CAMSAP1: variants seen among roughly 807,000 people sequenced by gnomAD.
CAMSAP1 encodes the protein calmodulin regulated spectrin associated protein 1.
In CAMSAP1, 58 loss-of-function variants were observed where a neutral mutation model predicts 143.5. That is an observed-to-expected ratio of 0.40 (90% CI 0.33 to 0.50). CAMSAP1 has a LOEUF of 0.50. Ranked by LOEUF, CAMSAP1 falls within the 20% of genes least tolerant of loss-of-function variation. The probability of loss-of-function intolerance (pLI) is 0.45; values close to 1 mark genes in which losing one functional copy is unlikely to be tolerated. For synonymous variants in CAMSAP1, 945 were observed against 859.3 expected, an observed-to-expected ratio of 1.10 and a Z score of -1.74; for missense variants, 1,969 against 2,115.7, an observed-to-expected ratio of 0.93 and a Z score of 1.36.
intron 1 of CAMSAP1, among the ~76,000 whole-genome samples, chr9:135,902,413 C>T (rs978649951): frequency 5.3e-5 from 8 of 152,176 alleles, no homozygotes; most frequent in African/African-American, 1.2e-4. Flanking sequence ...GAGGAAGACA[C>T]GCAGTGGTTT....
chr9:135,843,402 AC>A (rs1447778845), intron 7 of CAMSAP1, among the ~76,000 whole-genome samples: 7 of 152,192 alleles, frequency 4.6e-5, no homozygotes, highest in Non-Finnish European at 1.0e-4. Flanking sequence ...TATTCAGCAA[AC>A]CCATCTCATG....
Position 135,823,154 on chromosome 9 carries a change from T to C in CAMSAP1, c.1507A>G (p.Ser503Gly), listed in dbSNP as rs755322558. ...AGATTAACAATGTTGGATGCCAAACTGTCTTTGCTGATGGAGCGGGCCAAG... is the reference window on the plus strand; with the variant it reads ...AGATTAACAATGTTGGATGCCAAACCGTCTTTGCTGATGGAGCGGGCCAAG... ...ISLARSISKD[S>G]LASNIVNLTP... Residue 503 changes from serine to glycine, a missense_variant, in exon 11 of 17, where the codon AGT becomes GGT. This residue lies in a region of CAMSAP1 where 1,390 missense variants were observed against 1,420.8 expected (regional missense o/e 0.98). Transcript: ENST00000389532. 1.2e-6 allele frequency: 2 copies of C among 1,612,622 alleles called. No homozygotes were observed. Among genetic ancestry groups the C allele is most frequent in the South Asian group, 1.1e-5 (1 of 90,988 alleles).
chr9:135,869,449 G>C (rs1457423964), intron 3 of CAMSAP1, among the ~76,000 whole-genome samples: 2 of 151,424 alleles, frequency 1.3e-5, no homozygotes, highest in Non-Finnish European at 2.9e-5. Context: ...GTTGCAGTGA[G>C]CCACGACCGC....
At chr9:135,865,401 G>T in intron 4 of CAMSAP1, 1 of 1,548,864 alleles carries the variant, frequency 6.5e-7, no homozygotes, top group Non-Finnish European at 8.7e-7. Flanking sequence ...CAGGAGAGGA[G>T]CATCAGCAGA....
Position 135,874,571 on chromosome 9 carries a change from A to G in CAMSAP1, c.585+7062T>C, listed in dbSNP as rs920839074. 2.6e-5 allele frequency among the ~76,000 whole-genome samples: 4 copies of G among 152,154 alleles called. No individual in the cohort carries two copies. In the East Asian group the frequency reaches 7.7e-4, roughly 29 times the overall value. On this transcript the variant is annotated intron_variant, in intron 3 of 16. Coordinates refer to ENST00000389532, the MANE Select transcript of CAMSAP1 (RefSeq NM_015447.4). ...AACATTCATCATTTCAATGGTTAATACAGTAAATGTTTATTCCCTAAGATG... is the reference window on the plus strand; with the variant it reads ...AACATTCATCATTTCAATGGTTAATGCAGTAAATGTTTATTCCCTAAGATG...
chr9:135,822,237 C>A lies in CAMSAP1; in HGVS notation c.2424G>T (p.Ala808=), dbSNP rs200983107. Residue 808 remains alanine (A), a synonymous_variant, in exon 11 of 17, where the codon GCG becomes GCT. Coordinates refer to ENST00000389532, the MANE Select transcript of CAMSAP1 (RefSeq NM_015447.4). This position sits in a 1 kb window ranked among gnomAD's most constrained non-coding sequence, Gnocchi z 6.1. The stretch of plus-strand genomic sequence containing the variant: ...AGCTGGTCATCTTCACGCTCCCACT[C>A]GCCATGGAGACACTGCTCATCTGAG... ...TASQMSSVSM[A]SGSVKMTSFA... is the part of the protein sequence containing the mutation. 1 of 1,614,016 alleles carries A rather than the reference C, an allele frequency of 6.2e-7. No individual in the cohort carries two copies. The highest frequency in any genetic ancestry group is 1.7e-5 in the Admixed American group (1 of 60,032).
At chr9:135,877,286 A>C (rs554382375) in intron 3 of CAMSAP1, among the ~76,000 whole-genome samples, 32 of 152,282 alleles carry the variant, frequency 2.1e-4, no homozygotes, top group Non-Finnish European at 3.4e-4. Flanking sequence ...CCTAAAAAAA[A>C]AAGCAAAACT....
chr9:135,898,396 G>C (rs1006375605), intron 1 of CAMSAP1, among the ~76,000 whole-genome samples: 1 of 152,136 alleles, frequency 6.6e-6, no homozygotes. Context: ...TGTAATCCTA[G>C]CACTTTGGGA....
At chr9:135,872,688 C>G (rs1837608836) in intron 3 of CAMSAP1, among the ~76,000 whole-genome samples, 2 of 152,214 alleles carry the variant, frequency 1.3e-5, no homozygotes, top group African/African-American at 4.8e-5. Flanking sequence ...AGCCACTATT[C>G]ACAAGCACTC....
chr9:135,827,847 G>A (rs1032755816), intron 7 of CAMSAP1, among the ~76,000 whole-genome samples: 11 of 152,252 alleles, frequency 7.2e-5, no homozygotes, highest in African/African-American at 2.7e-4. Context: ...GATGGGCTCT[G>A]TCTTGGTCAC....
chr9:135,835,513 A>C (rs1835994801), intron 7 of CAMSAP1, among the ~76,000 whole-genome samples: 1 of 152,226 alleles, frequency 6.6e-6, no homozygotes, highest in African/African-American at 2.4e-5. Flanking sequence ...CAGAATTGAG[A>C]ACAGGGCCCT....
At chr9:135,813,182 C>T (rs1333661752) in intron 16 of CAMSAP1, among the ~76,000 whole-genome samples, 1 of 152,180 alleles carries the variant, frequency 6.6e-6, no homozygotes, top group Non-Finnish European at 1.5e-5. Context: ...AGGGTCAAGC[C>T]CTCGACCTCG....
chr9:135,830,037 T>C (rs1835805020), intron 7 of CAMSAP1, among the ~76,000 whole-genome samples: 1 of 152,156 alleles, frequency 6.6e-6, no homozygotes, highest in African/African-American at 2.4e-5. Flanking sequence ...CTGTATCTTA[T>C]GTAAGCCCTA....
chr9:135,901,209 C>T (rs1318528536), intron 1 of CAMSAP1, among the ~76,000 whole-genome samples: 2 of 152,256 alleles, frequency 1.3e-5, no homozygotes, highest in Non-Finnish European at 2.9e-5. Flanking sequence ...CCACCTCCCA[C>T]AGCCACTGTC....
chr9:135,878,347 C>G (rs1837821254), intron 3 of CAMSAP1, among the ~76,000 whole-genome samples: 1 of 151,950 alleles, frequency 6.6e-6, no homozygotes, highest in African/African-American at 2.4e-5. Context: ...TGGCCATTCC[C>G]CCACAGATGC....
In CAMSAP1 at chr9:135,817,701, C is replaced by T. The variant is rs139571082; in HGVS notation, c.4271+276G>A. 4.0e-3 allele frequency: 1,506 copies of T among 379,348 alleles called. 31 individuals carry two copies. The highest frequency in any genetic ancestry group is 0.029 in the African/African-American group (1,400 of 47,652). 23.5% of individuals were successfully genotyped at this position (379,348 alleles called of 1,614,324 possible). ...GGTGTGAGCCACCACGCTTGGACTC[C>T]AACGGACTCAAAACGATGAAGAAGC... On this transcript the variant is annotated intron_variant, in intron 14 of 16. Coordinates refer to ENST00000389532, the MANE Select transcript of CAMSAP1 (RefSeq NM_015447.4).
Position 135,824,537 on chromosome 9 carries a change from C to T in CAMSAP1, c.1315+252G>A, listed in dbSNP as rs192489974. Among the ~76,000 whole-genome samples, 167 of 152,164 alleles carry T rather than the reference C, an allele frequency of 1.1e-3. 2 individuals are homozygous for T. Among genetic ancestry groups the T allele is most frequent in the Non-Finnish European group, 1.3e-4 (9 of 68,024 alleles). ...AAAATTAACTGAGCATGGTGGCATG[C>T]GCCTATAATCCCAGCTATGTGGGAG... On this transcript the variant is annotated intron_variant, in intron 9 of 16. Transcript: ENST00000389532. The surrounding 1 kb of genome is among the most constrained non-coding windows in gnomAD (Gnocchi z 4.1).
intron 3 of CAMSAP1, among the ~76,000 whole-genome samples, chr9:135,877,800 G>C (rs1313369793): frequency 6.6e-6 from 1 of 151,912 alleles, no homozygotes; most frequent in Non-Finnish European, 1.5e-5. Flanking sequence ...CACAAAACGA[G>C]ACTCTGTCTC....
intron 5 of CAMSAP1, among the ~76,000 whole-genome samples, chr9:135,861,502 G>A (rs993600819): frequency 4.6e-5 from 7 of 151,962 alleles, no homozygotes; most frequent in Non-Finnish European, 7.4e-5. Context: ...ACAGGGTTTC[G>A]CCATGTTGGT....
Sources: gnomAD v4.1 joint callset for allele counts (sites outside exome capture counted in the v4.1 genomes callset) on GRCh38, gnomAD v4.1.1 for gene constraint, gnomAD v4.1.1 regional missense constraint, Gnocchi (gnomAD v3.1) non-coding constraint, MANE v1.5 for transcripts, NCBI Gene and HGNC (gene_info 2026-07-23, HGNC 2026-07-21) for gene names.